The following DGKZ variants were observed in gnomAD, a reference collection of about 807,000 sequenced individuals.
DGKZ encodes the protein diacylglycerol kinase zeta.
Under a neutral mutation model 142.5 loss-of-function variants are expected in DGKZ, and 45 were observed. That is an observed-to-expected ratio of 0.32 (90% CI 0.25 to 0.40). DGKZ has a LOEUF of 0.40. Ranked by LOEUF, DGKZ falls within the 10% of genes least tolerant of loss-of-function variation. The pLI, the probability that DGKZ is intolerant of heterozygous loss-of-function variation, is 1.00. For synonymous variants in DGKZ, 442 were observed against 527.0 expected (o/e 0.84, Z 2.21); for missense variants, 755 against 1,306.5 (o/e 0.58, Z 6.51).
At chr11:46,336,307 C>T (rs1206640187) in intron 1 of DGKZ, among the ~76,000 whole-genome samples, 1 of 152,098 alleles carries the variant, frequency 6.6e-6, no homozygotes, top group African/African-American at 2.4e-5. Flanking sequence ...CCAGCAGAAA[C>T]TCAGACACCT....
rs1565051615 is a variant in DGKZ, at chr11:46,367,982, CCT to C, written c.367-15_367-14del. 3.7e-6 allele frequency: 6 copies of C among 1,613,602 alleles called. No homozygotes were observed. Among genetic ancestry groups the C allele is most frequent in the South Asian group, 1.1e-5 (1 of 91,040 alleles). ...TAGACTTACCTGGTGCCTCAGGGGC[CCT>C]CTCTTCCTGTCCTGCAGCAGAAGTC... On this transcript the variant is annotated intron_variant, in intron 3 of 30. Transcript: ENST00000527911. This position sits in a 1 kb window ranked among gnomAD's most constrained non-coding sequence, Gnocchi z 4.1.
At chr11:46,355,800 G>A (rs988899970) in intron 1 of DGKZ, among the ~76,000 whole-genome samples, 4 of 152,152 alleles carry the variant, frequency 2.6e-5, no homozygotes, top group East Asian at 3.9e-4. Flanking sequence ...AGGTTGGAGC[G>A]CAATGGCGCG....
chr11:46,367,180 C>T lies in DGKZ; in HGVS notation c.162-111C>T. 1.6e-6 allele frequency: 2 copies of T among 1,275,932 alleles called. No individual in the cohort carries two copies. The highest frequency in any genetic ancestry group is 1.3e-5 in the South Asian group (1 of 78,176). The allele number at this position is 1,275,932 out of a possible 1,614,324, so 79.0% of individuals were successfully genotyped here. The stretch of plus-strand genomic sequence containing the variant: ...AGTGTCTGGGGCTGCTGGGAGGCTC[C>T]TCCGCCCTCCCTGTTGCCGAGGTCA... On this transcript the variant is annotated intron_variant, in intron 1 of 30. Coordinates refer to ENST00000527911, the Ensembl canonical transcript of DGKZ. The surrounding 1 kb of genome is among the most constrained non-coding windows in gnomAD (Gnocchi z 4.1).
intron 4 of DGKZ, chr11:46,369,125 G>A (rs1045321437): frequency 8.5e-5 from 27 of 319,024 alleles, no homozygotes; most frequent in African/African-American, 2.6e-4. Flanking sequence ...GCAGTGAGCC[G>A]AGATCGCACC....
chr11:46,355,728 G>C (rs574727410), intron 1 of DGKZ, among the ~76,000 whole-genome samples: 1 of 150,204 alleles, frequency 6.7e-6, no homozygotes, highest in Non-Finnish European at 1.5e-5. Context: ...AGAAAGTTGA[G>C]GGGGGAGGTG....
At chr11:46,346,372 C>T (rs1590390097), upstream of DGKZ, among the ~76,000 whole-genome samples, 1 of 152,232 alleles carries the variant, frequency 6.6e-6, no homozygotes, top group Admixed American at 6.5e-5. Flanking sequence ...ACCATGCTTC[C>T]CAGCTCCTGG....
At position 46,353,392 on chromosome 11, in the gene DGKZ, T is replaced by G. The variant is rs192471698; in HGVS notation, c.161+5572T>G. ...TGGGGTTTAGTGAAAGGTCTTTGCC[T>G]CCGGTGCCAACGGTGTGAGACCCAT... is the stretch of plus-strand genomic sequence containing the variant. On this transcript the variant is annotated intron_variant, in intron 1 of 30. Transcript: ENST00000527911. 5.3e-5 allele frequency among the ~76,000 whole-genome samples: 8 copies of G among 152,280 alleles called. No homozygotes were observed. The East Asian group carries it at 1.5e-3, about 29-fold the overall frequency.
chr11:46,347,393 A>G (rs1487829191), upstream of DGKZ: 8 of 983,514 alleles, frequency 8.1e-6, no homozygotes, highest in Non-Finnish European at 3.6e-6. This position sits in a 1 kb window ranked among gnomAD's most constrained non-coding sequence, Gnocchi z 6.4. Flanking sequence ...CGTGCGGCCG[A>G]GGGGGCGTGC....
intron 1 of DGKZ, among the ~76,000 whole-genome samples, chr11:46,357,260 C>A (rs1008227407): frequency 1.3e-5 from 2 of 152,174 alleles, no homozygotes; most frequent in African/African-American, 4.8e-5. Flanking sequence ...CCCCTCCTCC[C>A]CTTTCCTTGC....
intron 4 of DGKZ, 32 bp downstream of exon 4, chr11:46,368,111 G>A (rs757948442): frequency 6.2e-5 from 100 of 1,611,410 alleles, no homozygotes; most frequent in Non-Finnish European, 8.2e-5. Context: ...GCCCGCCCCT[G>A]CCCTTTGGGT....
At chr11:46,379,799 C>A (rs1308495307) in intron 30 of DGKZ, 32 bp from the exon 31 acceptor site, 3 of 1,580,990 alleles carry the variant, frequency 1.9e-6, no homozygotes, top group African/African-American at 2.7e-5. Context: ...CTGCCTCTGG[C>A]CCCTGCTGAT....
At chr11:46,373,928 A>T (rs1463033030) in intron 14 of DGKZ, among the ~76,000 whole-genome samples, 1 of 152,208 alleles carries the variant, frequency 6.6e-6, no homozygotes, top group South Asian at 2.1e-4. Context: ...GTGTTAGGGG[A>T]GCTGACAGGG....
upstream of DGKZ, chr11:46,345,334 C>A: frequency 7.2e-7 from 1 of 1,384,082 alleles, no homozygotes; most frequent in African/African-American, 1.5e-5. The surrounding 1 kb of genome is among the most constrained non-coding windows in gnomAD (Gnocchi z 4.1). Context: ...GGGCGGCCAG[C>A]GGCCTCTAGC....
rs1315977749 is a variant in DGKZ at position 46,367,961 on chromosome 11, C to T, written c.367-41C>T. The T allele has an allele frequency of 1.2e-6, 2 of 1,609,114 alleles. No homozygotes were observed. Among genetic ancestry groups the T allele is most frequent in the South Asian group, 1.1e-5 (1 of 90,962 alleles). On this transcript the variant is annotated intron_variant, in intron 3 of 30. Coordinates refer to ENST00000527911, the Ensembl canonical transcript of DGKZ. The surrounding 1 kb of genome is among the most constrained non-coding windows in gnomAD (Gnocchi z 4.1). ...TGGGGCAGGCAGCCTCCGAGATAGA[C>T]TTACCTGGTGCCTCAGGGGCCCTCT...
At chr11:46,377,351 C>T (rs941561722) in intron 25 of DGKZ, 139 bp downstream of exon 25, 181 of 1,405,394 alleles carry the variant, frequency 1.3e-4, no homozygotes, top group Non-Finnish European at 1.6e-4. Context: ...GCCCACCTGA[C>T]GGCCTTCAGC....
intron 1 of DGKZ, among the ~76,000 whole-genome samples, chr11:46,360,033 C>T (rs935238328): frequency 6.6e-6 from 1 of 152,154 alleles, no homozygotes; most frequent in African/African-American, 2.4e-5. Flanking sequence ...TAAAGATATT[C>T]CTTCTTTTTG....
intron 30 of DGKZ, 89 bp from the exon 31 acceptor site, chr11:46,379,742 C>T: frequency 7.3e-7 from 1 of 1,374,084 alleles, no homozygotes. Flanking sequence ...CCTGACCAGG[C>T]CACAGGGAGG....
chr11:46,363,430 C>G (rs1942899234), intron 1 of DGKZ, among the ~76,000 whole-genome samples: 1 of 152,242 alleles, frequency 6.6e-6, no homozygotes. Context: ...TCACACAGCA[C>G]TGCCGGCCTT....
intron 20 of DGKZ, 82 bp from the exon 21 acceptor site, chr11:46,375,769 G>A (rs980876307): frequency 2.2e-5 from 34 of 1,521,212 alleles, no homozygotes; most frequent in Middle Eastern, 2.1e-4. Flanking sequence ...ACCTTCTCTC[G>A]GCAAGTGGTT....
Sources: gnomAD v4.1 joint callset for allele counts (sites outside exome capture counted in the v4.1 genomes callset) on GRCh38, gnomAD v4.1.1 for gene constraint, Gnocchi (gnomAD v3.1) non-coding constraint, MANE v1.5 for transcripts, NCBI Gene and HGNC (gene_info 2026-07-23, HGNC 2026-07-21) for gene names.